The following CPEB1 variants were observed in gnomAD, a reference collection of about 807,000 sequenced individuals.
The protein encoded by CPEB1 is cytoplasmic polyadenylation element-binding protein 1.
Under a neutral mutation model 65.8 loss-of-function variants are expected in CPEB1, and 7 were observed. The observed-to-expected ratio is 0.11, with a 90% CI of 0.06 to 0.20. The LOEUF (loss-of-function observed/expected upper bound fraction) is 0.20. CPEB1 is among the 10% of genes least tolerant of loss of function. The pLI is 1.00. For missense variants in CPEB1, 551 were observed against 712.2 expected (o/e 0.77, Z 2.58); for synonymous variants, 262 against 260.0 (o/e 1.01, Z -0.08).
chr15:82,573,445 T>C (rs954313091), intron 3 of CPEB1, among the ~76,000 whole-genome samples: 5 of 152,084 alleles, frequency 3.3e-5, no homozygotes, highest in Non-Finnish European at 7.4e-5. Context: ...AAGCTAAGGA[T>C]ATACTTTAGA....
At chr15:82,566,757 T>C (rs2039197630) in intron 4 of CPEB1, among the ~76,000 whole-genome samples, 3 of 152,158 alleles carry the variant, frequency 2.0e-5, no homozygotes, top group Non-Finnish European at 4.4e-5. Context: ...GCCACACTGC[T>C]TCCCAGGTTC....
chr15:82,545,149 T>TAG (rs1260218282), intron 12 of CPEB1, among the ~76,000 whole-genome samples: 1 of 152,230 alleles, frequency 6.6e-6, no homozygotes, highest in Non-Finnish European at 1.5e-5. Context: ...TTTCTCAGTC[T>TAG]AGTCCCATCT....
At chr15:82,582,700 T>A (rs1374426105) in intron 3 of CPEB1, among the ~76,000 whole-genome samples, 1 of 150,882 alleles carries the variant, frequency 6.6e-6, no homozygotes, top group Non-Finnish European at 1.5e-5. Context: ...CAGGTCCCCA[T>A]ACTGTGTACT....
chr15:82,626,063 T>C (rs948864535), intron 3 of CPEB1, among the ~76,000 whole-genome samples: 3 of 151,338 alleles, frequency 2.0e-5, no homozygotes, highest in African/African-American at 7.3e-5. Flanking sequence ...GAGGTTACAG[T>C]GAGCTGAGAT....
intron 4 of CPEB1, among the ~76,000 whole-genome samples, chr15:82,558,592 C>T (rs1261719728): frequency 3.3e-5 from 5 of 152,186 alleles, no homozygotes; most frequent in South Asian, 2.1e-4. Flanking sequence ...CATTCTTTGA[C>T]TTAAACTTAG....
rs2035929712 is a variant in CPEB1, at chr15:82,549,793, C to T, written c.1282-135G>A. ...ACAGGGGTGAAAAGGTGCTGTTGCC[C>T]AATCTCAGGCACACAGGCGTCCAAT... On this transcript the variant is annotated intron_variant, in intron 9 of 12. Transcript: ENST00000684509. The T allele has an allele frequency of 1.4e-5, 11 of 786,192 alleles. 1 individual carries two copies. In the South Asian group the frequency reaches 1.4e-4, roughly 10 times the overall value. 48.7% of individuals were successfully genotyped at this position (786,192 alleles called of 1,614,324 possible).
intron 4 of CPEB1, among the ~76,000 whole-genome samples, chr15:82,568,156 T>A (rs2039452321): frequency 6.6e-6 from 1 of 152,086 alleles, no homozygotes; most frequent in African/African-American, 2.4e-5. Context: ...CTTCCAGGAG[T>A]TGTGTCACTT....
At chr15:82,574,722 C>CAAAAAAAAAGAAAAAAAAAAAAAA (rs2040463573) in intron 3 of CPEB1, among the ~76,000 whole-genome samples, 1 of 53,506 alleles carries the variant, frequency 1.9e-5, no homozygotes, top group Non-Finnish European at 3.4e-5. Context: ...GACTCGGTCT[C>CAAAAAAAAAGAAAAAAAAAAAAAA]AAAAAAAAAA....
intron 3 of CPEB1, among the ~76,000 whole-genome samples, chr15:82,590,226 A>AC (rs2042126286): frequency 8.1e-6 from 1 of 122,858 alleles, no homozygotes; most frequent in Admixed American, 7.8e-5. Flanking sequence ...AAAAAAAAAA[A>AC]AAAAAAAAAA....
rs1253139709 is a variant in CPEB1 at position 82,543,543 on chromosome 15, T to C, written c.*1049A>G. On this transcript the variant is annotated 3_prime_UTR_variant, in exon 13 of 13. Transcript: ENST00000684509. ...GTGGCATTTCAGTCAACTGCAACTGTTATCTCATACATTCCTCAAATTAAA... is the reference window on the plus strand; with the variant it reads ...GTGGCATTTCAGTCAACTGCAACTGCTATCTCATACATTCCTCAAATTAAA... The C allele has an allele frequency of 1.3e-5, 2 of 152,074 alleles. No homozygotes were observed. The highest frequency in any genetic ancestry group is 6.6e-5 in the Admixed American group (1 of 15,228). 9.4% of individuals were successfully genotyped at this position (152,074 alleles called of 1,614,324 possible).
At chr15:82,568,433 CAA>C (rs1387861904) in intron 4 of CPEB1, among the ~76,000 whole-genome samples, 1 of 152,160 alleles carries the variant, frequency 6.6e-6, no homozygotes. Context: ...ATCTTGCCCC[CAA>C]AGTCTTCCTC....
Position 82,544,588 on chromosome 15 carries a change from T to A in CPEB1, c.*4A>T. 1 of 1,611,282 alleles carries A rather than the reference T, an allele frequency of 6.2e-7. No homozygotes were observed. Among genetic ancestry groups the A allele is most frequent in the Non-Finnish European group, 8.5e-7 (1 of 1,178,874 alleles). ...CCACAGGCCACTGGGCAAGGCCAGC[T>A]CCTCTAGCTGGAATCTCGGTTCTTC... On this transcript the variant is annotated 3_prime_UTR_variant, in exon 13 of 13. Transcript: ENST00000684509.
chr15:82,546,574 G>C lies in CPEB1; in HGVS notation c.1576-53C>G, dbSNP rs146739527. 3 of 1,323,122 alleles carry C rather than the reference G, an allele frequency of 2.3e-6. No individual in the cohort carries two copies. In the East Asian group the frequency reaches 6.9e-5, roughly 30 times the overall value. The allele number at this position is 1,323,122 out of a possible 1,614,324, so 82.0% of individuals were successfully genotyped here. ...AGTGGCTCTTCTTACCAGGAGGCTC[G>C]ATAGGCGATAGAAGAAGGGCACATT... On this transcript the variant is annotated intron_variant, in intron 11 of 12. Coordinates refer to ENST00000684509, the MANE Select transcript of CPEB1 (RefSeq NM_001365242.1).
intron 3 of CPEB1, among the ~76,000 whole-genome samples, chr15:82,587,219 G>A (rs1468788260): frequency 9.9e-5 from 15 of 152,074 alleles, no homozygotes; most frequent in Admixed American, 9.8e-4. Flanking sequence ...TGGTGAGACA[G>A]GACTCTCCAA....
At chr15:82,576,706 T>G (rs1276862166) in intron 3 of CPEB1, among the ~76,000 whole-genome samples, 1 of 152,184 alleles carries the variant, frequency 6.6e-6, no homozygotes, top group Non-Finnish European at 1.5e-5. Flanking sequence ...AAAGTCTGAC[T>G]GAACTAATTG....
chr15:82,609,269 G>T (rs1486665775), intron 3 of CPEB1, among the ~76,000 whole-genome samples: 1 of 152,136 alleles, frequency 6.6e-6, no homozygotes, highest in African/African-American at 2.4e-5. Flanking sequence ...GGAGGCTGAG[G>T]TAGGAGGATC....
intron 4 of CPEB1, among the ~76,000 whole-genome samples, chr15:82,570,369 C>G (rs1295433790): frequency 6.6e-6 from 1 of 152,028 alleles, no homozygotes; most frequent in Non-Finnish European, 1.5e-5. Context: ...CAGCGAATGG[C>G]TGTACCACCC....
chr15:82,647,615 G>A (rs368371969), upstream of CPEB1: 3 of 332,082 alleles, frequency 9.0e-6, no homozygotes, highest in Non-Finnish European at 1.6e-5. Context: ...GGCCGCCCCC[G>A]CAGGGCTGCG....
chr15:82,612,268 G>A (rs2044231955), intron 3 of CPEB1, among the ~76,000 whole-genome samples: 1 of 151,976 alleles, frequency 6.6e-6, no homozygotes, highest in African/African-American at 2.4e-5. Context: ...AAGCTGAGGC[G>A]GGTGGATTGC....
Sources: allele counts gnomAD v4.1 joint callset (sites outside exome capture counted in the v4.1 genomes callset), GRCh38; gene constraint gnomAD v4.1.1; transcripts MANE v1.5; gene names NCBI Gene and HGNC (gene_info 2026-07-23, HGNC 2026-07-21).